Variants in ATL2 observed in about 807,000 individuals in gnomAD.
ATL2 encodes the protein atlastin-2.
Under a neutral mutation model 73.9 loss-of-function variants are expected in ATL2, and 31 were observed. The observed-to-expected ratio is 0.42, with a 90% CI of 0.32 to 0.57. ATL2 has a LOEUF of 0.57. ATL2 is among the 20% of genes least tolerant of loss of function. The pLI is 0.14. For missense variants in ATL2, 738 were observed against 702.6 expected (o/e 1.05, Z -0.57); for synonymous variants, 291 against 237.5 (o/e 1.23, Z -2.07).
chr2:38,333,774 A>C (rs1471877497), intron 2 of ATL2, among the ~76,000 whole-genome samples: 12 of 152,204 alleles, frequency 7.9e-5, no homozygotes, highest in Non-Finnish European at 1.8e-4. Context: ...CAGGAACGTA[A>C]CCAAGAAAGT....
At chr2:38,370,079 CG>C (rs1558462428) in intron 1 of ATL2, among the ~76,000 whole-genome samples, 1 of 135,592 alleles carries the variant, frequency 7.4e-6, no homozygotes, top group Non-Finnish European at 1.5e-5. Flanking sequence ...GCGTGAACCC[CG>C]GGGGGCGGAG....
Position 38,370,448 on chromosome 2 carries a change from C to CAAA in ATL2, c.118+6692_118+6694dup, listed in dbSNP as rs55964015. 2.7e-3 allele frequency among the ~76,000 whole-genome samples: 151 copies of CAAA among 55,202 alleles called. 2 individuals carry two copies. Among genetic ancestry groups the CAAA allele is most frequent in the East Asian group, 0.013 (13 of 1,016 alleles). 36.2% of individuals were successfully genotyped at this position (55,202 alleles called of 152,430 possible). A position where few individuals can be genotyped will look rare whatever the true frequency, so the allele number is the denominator to read the frequency against. The stretch of plus-strand genomic sequence containing the variant: ...TGGGAGACAGAGTGAGACTCTGTCC[C>CAAA]AAAAAAAAAAAAAAAAAAAAAAAAA... On this transcript the variant is annotated intron_variant, in intron 1 of 12. Transcript: ENST00000378954.
chr2:38,334,896 ATAT>A (rs1340024351), intron 2 of ATL2, among the ~76,000 whole-genome samples: 1 of 25,548 alleles, frequency 3.9e-5, no homozygotes, highest in African/African-American at 7.9e-5. Flanking sequence ...TATATAATAT[ATAT>A]TATTTATAAT....
chr2:38,347,133 C>T (rs767724396), intron 1 of ATL2, among the ~76,000 whole-genome samples: 24 of 151,954 alleles, frequency 1.6e-4, no homozygotes, highest in Non-Finnish European at 2.8e-4. Flanking sequence ...CTTAGTTTCC[C>T]ATCATAAGCA....
chr2:38,373,358 T>C (rs569567415), intron 1 of ATL2, among the ~76,000 whole-genome samples: 7 of 152,364 alleles, frequency 4.6e-5, no homozygotes, highest in African/African-American at 1.7e-4. Context: ...AGCTAGCCTC[T>C]AAGTGGTTGT....
chr2:38,370,876 G>A (rs1671650165), intron 1 of ATL2, among the ~76,000 whole-genome samples: 1 of 151,464 alleles, frequency 6.6e-6, no homozygotes, highest in Admixed American at 6.6e-5. Context: ...GGTGGGGGGT[G>A]CACCCCAGAA....
intron 9 of ATL2, among the ~76,000 whole-genome samples, chr2:38,307,353 TTTTC>T (rs1666529606): frequency 6.9e-6 from 1 of 144,538 alleles, no homozygotes; most frequent in South Asian, 2.1e-4. Flanking sequence ...CAGTGTTTTC[TTTTC>T]TTTTTTTTTT....
chr2:38,353,216 T>A (rs971008553), intron 1 of ATL2, among the ~76,000 whole-genome samples: 2 of 152,074 alleles, frequency 1.3e-5, no homozygotes, highest in African/African-American at 4.8e-5. Flanking sequence ...AATAAAGTCT[T>A]AATAAATAAA....
At chr2:38,318,337 G>A (rs1018313718) in intron 4 of ATL2, 198 bp downstream of exon 4, 24 of 388,224 alleles carry the variant, frequency 6.2e-5, no homozygotes, top group Non-Finnish European at 9.1e-6. Flanking sequence ...AAATTAGCTG[G>A]GCATGGTGGC....
At chr2:38,372,389 C>A (rs58026402) in intron 1 of ATL2, among the ~76,000 whole-genome samples, 18,276 of 151,934 alleles carry the variant, frequency 0.12, 3,230 homozygotes, top group African/African-American at 0.39. Context: ...TGTAGAGATT[C>A]AAGTGTACGG....
At chr2:38,373,906 G>A (rs1353540759) in intron 1 of ATL2, among the ~76,000 whole-genome samples, 1 of 151,852 alleles carries the variant, frequency 6.6e-6, no homozygotes, top group Non-Finnish European at 1.5e-5. Context: ...CCTTTTTATG[G>A]GGGAGACAGA....
intron 7 of ATL2, 51 bp downstream of exon 7, chr2:38,313,100 G>T (rs370696248): frequency 7.3e-7 from 1 of 1,362,606 alleles, no homozygotes; most frequent in Non-Finnish European, 1.0e-6. Flanking sequence ...CAGCCCACCC[G>T]TTTGCCTAGC....
chr2:38,343,131 G>T, intron 2 of ATL2, 137 bp downstream of exon 2: 1 of 783,530 alleles, frequency 1.3e-6, no homozygotes, highest in African/African-American at 2.5e-5. Flanking sequence ...CTGGGTAACA[G>T]AGTGAGACCA....
At chr2:38,313,941 A>G (rs537901311) in intron 6 of ATL2, among the ~76,000 whole-genome samples, 3 of 152,322 alleles carry the variant, frequency 2.0e-5, no homozygotes, top group Admixed American at 6.5e-5. Flanking sequence ...TTTCACCTAT[A>G]TATCCAAAAA....
At chr2:38,377,284 C>T (rs764867451), upstream of ATL2, 11 of 1,526,984 alleles carry the variant, frequency 7.2e-6, no homozygotes, top group South Asian at 1.2e-4. Context: ...AAAATTAACT[C>T]CCCACTGACG....
chr2:38,301,260 G>C (rs114467550), intron 9 of ATL2, among the ~76,000 whole-genome samples: 1 of 152,146 alleles, frequency 6.6e-6, no homozygotes, highest in Non-Finnish European at 1.5e-5. Context: ...ATAAGCCACC[G>C]TGCCTGGCTC....
In ATL2 at chr2:38,372,201, A is replaced by G. The variant is rs140697653; in HGVS notation, c.118+4942T>C. On this transcript the variant is annotated intron_variant, in intron 1 of 12. Transcript: ENST00000378954. ...TGCAGATTTACTGTTTGAAAAGCCA[A>G]TGCACTATACAGTCAAGTCAGCCCT... Among the ~76,000 whole-genome samples the G allele has an allele frequency of 6.0e-5, 9 of 150,034 alleles. No individual in the cohort carries two copies. The East Asian group carries it at 1.6e-3, about 26-fold the overall frequency.
intron 1 of ATL2, chr2:38,376,294 G>A: frequency 7.5e-7 from 1 of 1,331,220 alleles, no homozygotes; most frequent in East Asian, 2.6e-5. Flanking sequence ...CGCTGCCAAC[G>A]CAACTGCGTC....
intron 1 of ATL2, among the ~76,000 whole-genome samples, chr2:38,375,277 C>T (rs527893020): frequency 1.3e-5 from 2 of 152,298 alleles, no homozygotes; most frequent in East Asian, 3.9e-4. Context: ...ACTTTAAACA[C>T]AAATCCTACC....
Sources: allele counts gnomAD v4.1 joint callset (sites outside exome capture counted in the v4.1 genomes callset), GRCh38; gene constraint gnomAD v4.1.1; transcripts MANE v1.5; gene names NCBI Gene and HGNC (gene_info 2026-07-23, HGNC 2026-07-21).